Variants in PPARGC1B observed in about 807,000 individuals in gnomAD.
PPARGC1B encodes the protein PPARG coactivator 1 beta, also known as peroxisome proliferator-activated receptor gamma coactivator 1-beta.
In PPARGC1B, 34 loss-of-function variants were observed where a neutral mutation model predicts 101.6. The observed-to-expected ratio is 0.33, with a 90% CI of 0.25 to 0.45. PPARGC1B has a LOEUF of 0.45. PPARGC1B is among the 20% of genes least tolerant of loss of function. PPARGC1B has a pLI of 1.00. For synonymous variants in PPARGC1B, 548 were observed against 539.3 expected, an observed-to-expected ratio of 1.02 and a Z score of -0.22; for missense variants, 1,234 against 1,317.6, an observed-to-expected ratio of 0.94 and a Z score of 0.98.
At chr5:149,772,167 G>A (rs1272873905) in intron 1 of PPARGC1B, 2 of 1,607,840 alleles carry the variant, frequency 1.2e-6, no homozygotes, top group Non-Finnish European at 1.7e-6. Flanking sequence ...GGTTGTTTAG[G>A]TGGCGTTGGT....
At chr5:149,784,515 C>T (rs970803287) in intron 1 of PPARGC1B, among the ~76,000 whole-genome samples, 5 of 150,540 alleles carry the variant, frequency 3.3e-5, no homozygotes, top group African/African-American at 7.3e-5. Flanking sequence ...ACCTCACCCT[C>T]GTCCCTCCCA....
chr5:149,736,414 A>T (rs924183521), intron 1 of PPARGC1B, among the ~76,000 whole-genome samples: 1 of 151,688 alleles, frequency 6.6e-6, no homozygotes, highest in African/African-American at 2.4e-5. Context: ...CTTATTAGAG[A>T]GTGAAGGGTA....
intron 1 of PPARGC1B, among the ~76,000 whole-genome samples, chr5:149,734,183 G>T (rs1246212694): frequency 6.6e-6 from 1 of 151,902 alleles, no homozygotes; most frequent in Non-Finnish European, 1.5e-5. Flanking sequence ...TTAGCTGGGC[G>T]TGGTGACACA....
chr5:149,732,044 G>GC (rs1364655127), intron 1 of PPARGC1B, among the ~76,000 whole-genome samples: 1 of 69,172 alleles, frequency 1.4e-5, no homozygotes, highest in Admixed American at 1.6e-4. Flanking sequence ...TTGCGCGCGC[G>GC]GGTGTGTGTG....
chr5:149,808,242 G>T (rs192055375), intron 1 of PPARGC1B, among the ~76,000 whole-genome samples: 1 of 152,216 alleles, frequency 6.6e-6, no homozygotes, highest in East Asian at 1.9e-4. Flanking sequence ...TGAGTATTTT[G>T]ATGTGTAAGG....
At chr5:149,768,875 G>C (rs1057324546) in intron 1 of PPARGC1B, among the ~76,000 whole-genome samples, 2 of 151,776 alleles carry the variant, frequency 1.3e-5, no homozygotes, top group African/African-American at 4.8e-5. Flanking sequence ...GACTGCTCTT[G>C]AACTCCTGAG....
rs759902907 is a variant in PPARGC1B at position 149,845,840 on chromosome 5, A to T, written c.2897A>T (p.Lys966Met). The change falls in exon 11 of 12, where the codon AAG becomes ATG. Residue 966 changes from lysine (K) to methionine (M), a missense_variant. Lys to Met is a moderately conservative substitution (Grantham distance 95). Around this residue, in one of 3 missense-constraint regions of PPARGC1B, gnomAD observed 497 missense variants for 529.5 expected, o/e 0.94. Coordinates refer to ENST00000309241, the MANE Select transcript of PPARGC1B (RefSeq NM_133263.4). ...TTGACAAAGGGCGCTGCCCTGAGGA[A>T]GCGCAACGAGCCCTCCTTCCAGCTG... is the stretch of plus-strand genomic sequence containing the variant. ...LSLTKGAALR[K>M]RNEPSFQLSY... 8.7e-6 allele frequency: 14 copies of T among 1,614,088 alleles called. No homozygotes were observed. The highest frequency in any genetic ancestry group is 6.7e-5 in the Admixed American group (4 of 60,008).
In PPARGC1B at chr5:149,730,633, G is replaced by A. The variant is rs910075861; in HGVS notation, c.78+213G>A. 6.6e-6 allele frequency among the ~76,000 whole-genome samples: 1 copy of A among 152,118 alleles called. No individual in the cohort carries two copies. The highest frequency in any genetic ancestry group is 1.5e-5 in the Non-Finnish European group (1 of 67,988). ...CGGCGCGTGCCGGAGCGCTGGGGGC[G>A]CTACGGCCGCTGGGGAGGGTCTAGC... On this transcript the variant is annotated intron_variant, in intron 1 of 11. Coordinates refer to ENST00000309241, the MANE Select transcript of PPARGC1B (RefSeq NM_133263.4). The surrounding 1 kb of genome is among the most constrained non-coding windows in gnomAD (Gnocchi z 4.0).
chr5:149,763,538 T>G (rs912193929), intron 1 of PPARGC1B, among the ~76,000 whole-genome samples: 2 of 141,340 alleles, frequency 1.4e-5, no homozygotes, highest in South Asian at 2.4e-4. Context: ...TTTTTTTTTT[T>G]TTTTTTTTTT....
At chr5:149,840,394 A>G (rs1759286436) in intron 9 of PPARGC1B, among the ~76,000 whole-genome samples, 1 of 152,198 alleles carries the variant, frequency 6.6e-6, no homozygotes, top group South Asian at 2.1e-4. Flanking sequence ...GCTCAGCGTC[A>G]GGGGCCTTGA....
intron 1 of PPARGC1B, among the ~76,000 whole-genome samples, chr5:149,743,215 G>C (rs546145732): frequency 1.3e-5 from 2 of 150,892 alleles, no homozygotes; most frequent in South Asian, 4.2e-4. Flanking sequence ...GAGTGCAGTG[G>C]TGTGATCTCG....
intron 1 of PPARGC1B, among the ~76,000 whole-genome samples, chr5:149,760,218 AG>A (rs1329587897): frequency 6.6e-6 from 1 of 152,156 alleles, no homozygotes; most frequent in African/African-American, 2.4e-5. Flanking sequence ...CAGCAGATTG[AG>A]GGGCAGAGAG....
At chr5:149,798,087 G>C (rs542887022) in intron 1 of PPARGC1B, among the ~76,000 whole-genome samples, 1 of 152,156 alleles carries the variant, frequency 6.6e-6, no homozygotes, top group Non-Finnish European at 1.5e-5. Flanking sequence ...ACAGATAAAA[G>C]AGCTAAGGCC....
intron 1 of PPARGC1B, among the ~76,000 whole-genome samples, chr5:149,775,053 C>T (rs192118448): frequency 6.6e-6 from 1 of 152,220 alleles, no homozygotes; most frequent in Non-Finnish European, 1.5e-5. Context: ...CCCCTTCTCC[C>T]TTTGGTGGGC....
rs540977591 is a variant in PPARGC1B, at chr5:149,834,690, C to G, written c.1722C>G (p.Leu574=). 6.2e-7 allele frequency: 1 copy of G among 1,613,518 alleles called. No individual in the cohort carries two copies. The highest frequency in any genetic ancestry group is 1.3e-5 in the African/African-American group (1 of 75,048). The change falls in exon 6 of 12, where the codon CTC becomes CTG. Residue 574 remains leucine (L), a synonymous_variant. Transcript: ENST00000309241. ...TCTTTTCAGACTCTCCCAGGTGCCT[C>G]ATGCTGGCCTTGTCACAAAGGTAGA... ...QLPPRDSPRC[L]MLALSQSDPT...
intron 5 of PPARGC1B, among the ~76,000 whole-genome samples, chr5:149,834,047 A>G (rs1561615637): frequency 6.6e-6 from 1 of 152,258 alleles, no homozygotes. Flanking sequence ...TCAAAAAGTA[A>G]ACAGAAAAGG....
chr5:149,772,047 A>T (rs751353606), intron 1 of PPARGC1B: 1 of 1,525,454 alleles, frequency 6.6e-7, no homozygotes, highest in Non-Finnish European at 8.8e-7. Flanking sequence ...TAGACGTGCC[A>T]GGCTGTGCAC....
At chr5:149,801,097 G>A (rs1302079135) in intron 1 of PPARGC1B, among the ~76,000 whole-genome samples, 1 of 152,192 alleles carries the variant, frequency 6.6e-6, no homozygotes, top group Non-Finnish European at 1.5e-5. Flanking sequence ...GCAGGACCTT[G>A]TAGGACGAGT....
At chr5:149,769,964 G>A (rs571840594) in intron 1 of PPARGC1B, among the ~76,000 whole-genome samples, 2 of 152,142 alleles carry the variant, frequency 1.3e-5, no homozygotes, top group East Asian at 3.9e-4. Context: ...AGTCCCTTTT[G>A]CCCTGTAAGG....
Sources: gnomAD v4.1 joint callset for allele counts (sites outside exome capture counted in the v4.1 genomes callset) on GRCh38, gnomAD v4.1.1 for gene constraint, gnomAD v4.1.1 regional missense constraint, Gnocchi (gnomAD v3.1) non-coding constraint, MANE v1.5 for transcripts, NCBI Gene and HGNC (gene_info 2026-07-23, HGNC 2026-07-21) for gene names.